FMN2: variants seen among roughly 807,000 people sequenced by gnomAD.
FMN2 encodes formin 2, also known as formin-2.
A neutral mutation model predicts 142.3 loss-of-function variants in FMN2; 51 were observed. The ratio of observed to expected loss-of-function variants is 0.36; its 90% CI spans 0.29 to 0.45. The LOEUF (loss-of-function observed/expected upper bound fraction) is 0.45, where lower values mean the gene tolerates loss of function less well. Among genes scored for constraint, FMN2 ranks in the 20% least tolerant of loss-of-function variants. The pLI, the probability that FMN2 is intolerant of heterozygous loss-of-function variation, is 1.00. For synonymous variants in FMN2, 882 were observed against 869.8 expected (o/e 1.01, Z -0.25); for missense variants, 1,936 against 2,122.8 (o/e 0.91, Z 1.73).
chr1:240,455,327 A>T (rs1676203640), intron 16 of FMN2, among the ~76,000 whole-genome samples: 1 of 152,158 alleles, frequency 6.6e-6, no homozygotes, highest in Admixed American at 6.5e-5. Context: ...AGCCTAGAAA[A>T]CATCGCAAGA....
At chr1:240,249,922 G>A (rs1011516709) in intron 6 of FMN2, among the ~76,000 whole-genome samples, 1 of 152,006 alleles carries the variant, frequency 6.6e-6, no homozygotes, top group East Asian at 1.9e-4. Flanking sequence ...AGGAACTAGT[G>A]ATTTTTGTAT....
rs573534214 is a variant in FMN2 at position 240,366,830 on chromosome 1, C to T, written c.4858+10922C>T. On this transcript the variant is annotated intron_variant, in intron 14 of 17. Transcript: ENST00000319653. ...CCTCCCAAAGAGCTGGGATTACAGG[C>T]GTGAGCCACCGCGCCCGGCCCTCTA... Among the ~76,000 whole-genome samples, 81 of 152,242 alleles carry T rather than the reference C, an allele frequency of 5.3e-4. 1 individual carries two copies. Among genetic ancestry groups the T allele is most frequent in the African/African-American group, 1.9e-3 (80 of 41,542 alleles).
chr1:240,209,375 C>T (rs1306551923), intron 5 of FMN2, among the ~76,000 whole-genome samples: 1 of 151,448 alleles, frequency 6.6e-6, no homozygotes, highest in Non-Finnish European at 1.5e-5. Flanking sequence ...CTCAGCCTCC[C>T]GAGTAGCTGG....
Position 240,213,526 on chromosome 1 carries a change from G to A in FMN2, c.4065+2291G>A, listed in dbSNP as rs144250588. Among the ~76,000 whole-genome samples the A allele has an allele frequency of 1.5e-3, 229 of 152,272 alleles. 1 individual carries two copies. Among genetic ancestry groups the A allele is most frequent in the African/African-American group, 5.1e-3 (212 of 41,550 alleles). ...AAAAATCTGTCCATTCCATTTACTT[G>A]AGACATTTAAAATTTTGTTTAAGGA... On this transcript the variant is annotated intron_variant, in intron 6 of 17. Transcript: ENST00000319653.
At chr1:240,420,087 C>T (rs1674713105) in intron 15 of FMN2, among the ~76,000 whole-genome samples, 1 of 152,110 alleles carries the variant, frequency 6.6e-6, no homozygotes, top group African/African-American at 2.4e-5. Context: ...ATCCTATCAT[C>T]CCAGTGGATT....
At chr1:240,305,207 C>T (rs1670343105) in intron 8 of FMN2, among the ~76,000 whole-genome samples, 1 of 152,134 alleles carries the variant, frequency 6.6e-6, no homozygotes, top group Non-Finnish European at 1.5e-5. Flanking sequence ...GTCAGATTTT[C>T]CTCTATTTTG....
chr1:240,286,064 G>A (rs1412004117), intron 7 of FMN2, among the ~76,000 whole-genome samples: 2 of 152,010 alleles, frequency 1.3e-5, no homozygotes, highest in African/African-American at 2.4e-5. Flanking sequence ...TTTTCGGTGT[G>A]GGTTTTTTGT....
At chr1:240,240,491 T>C (rs906410544) in intron 6 of FMN2, among the ~76,000 whole-genome samples, 1 of 152,240 alleles carries the variant, frequency 6.6e-6, no homozygotes, top group African/African-American at 2.4e-5. Flanking sequence ...ATTATCTGCA[T>C]CACGTCTTTT....
rs751067966 is a variant in FMN2 at position 240,178,067 on chromosome 1, A to G, written c.1929A>G (p.Thr643=). The change falls in exon 3 of 18, where the codon ACA becomes ACG. Residue 643 remains threonine (T), a splice_region_variant and synonymous_variant. Coordinates refer to ENST00000319653, the MANE Select transcript of FMN2 (RefSeq NM_020066.5). ...DEEHRLEDAE[T]ESQSAVSETP... ...AACACAGGCTCGAGGATGCTGAAAC[A>G]GGTAACCCTTTCCTTTGTCTTCAGA... 7 of 1,588,158 alleles carry G rather than the reference A, an allele frequency of 4.4e-6. No individual in the cohort carries two copies. The highest frequency in any genetic ancestry group is 4.3e-6 in the Non-Finnish European group (5 of 1,171,600).
At chr1:240,326,283 CA>C (rs748501255) in intron 8 of FMN2, among the ~76,000 whole-genome samples, 35 of 152,130 alleles carry the variant, frequency 2.3e-4, no homozygotes, top group Non-Finnish European at 7.4e-5. Flanking sequence ...CTTGACTTGC[CA>C]AAAAGTTTAC....
intron 15 of FMN2, among the ~76,000 whole-genome samples, chr1:240,398,193 G>A (rs1304629328): frequency 2.0e-5 from 3 of 151,910 alleles, no homozygotes; most frequent in Non-Finnish European, 4.4e-5. Flanking sequence ...TAGTATAGAT[G>A]GGGTTTTGCC....
At chr1:240,220,235 A>G (rs1667053648) in intron 6 of FMN2, among the ~76,000 whole-genome samples, 1 of 152,006 alleles carries the variant, frequency 6.6e-6, no homozygotes, top group Non-Finnish European at 1.5e-5. Flanking sequence ...AATCTCCTAA[A>G]ACTCATAACA....
chr1:240,363,725 C>T (rs34617840), intron 14 of FMN2, among the ~76,000 whole-genome samples: 2 of 152,106 alleles, frequency 1.3e-5, no homozygotes, highest in African/African-American at 4.8e-5. Flanking sequence ...ACGTCCCCAA[C>T]TCTGTTTCTC....
At chr1:240,275,882 A>G (rs1006690799) in intron 7 of FMN2, among the ~76,000 whole-genome samples, 1 of 152,150 alleles carries the variant, frequency 6.6e-6, no homozygotes, top group Non-Finnish European at 1.5e-5. Context: ...GGCTGCATAC[A>G]TGTCTTCTTT....
chr1:240,108,862 C>A (rs900117924), intron 1 of FMN2, among the ~76,000 whole-genome samples: 7 of 152,026 alleles, frequency 4.6e-5, no homozygotes, highest in Non-Finnish European at 1.0e-4. Flanking sequence ...ATGGTGAAAC[C>A]CTGTCTCTAC....
chr1:240,116,078 A>G (rs1376157522), intron 1 of FMN2, among the ~76,000 whole-genome samples: 1 of 152,188 alleles, frequency 6.6e-6, no homozygotes, highest in Admixed American at 6.5e-5. Context: ...TTTGGCATAT[A>G]ATGAGCAGTG....
At chr1:240,290,284 T>G (rs1669735037) in intron 7 of FMN2, among the ~76,000 whole-genome samples, 1 of 152,222 alleles carries the variant, frequency 6.6e-6, no homozygotes, top group Admixed American at 6.5e-5. Flanking sequence ...TCATTTTTCA[T>G]TTTTTAACAG....
At chr1:240,102,998 G>A (rs1002978748) in intron 1 of FMN2, among the ~76,000 whole-genome samples, 8 of 151,804 alleles carry the variant, frequency 5.3e-5, no homozygotes, top group Non-Finnish European at 7.4e-5. Context: ...CCGAGTAGCT[G>A]GGACTATAGG....
chr1:240,461,855 T>G lies in FMN2; in HGVS notation c.5061-10517T>G, dbSNP rs368950746. Among the ~76,000 whole-genome samples, 2 of 152,320 alleles carry G rather than the reference T, an allele frequency of 1.3e-5. 1 individual carries two copies. The highest frequency in any genetic ancestry group is 6.8e-3 in the Middle Eastern group (2 of 294). ...GTCAAATGAGATGGTGCACATGATATGCCCACTGTCTCTGCACACCACTGC... is the reference window on the plus strand; with the variant it reads ...GTCAAATGAGATGGTGCACATGATAGGCCCACTGTCTCTGCACACCACTGC... On this transcript the variant is annotated intron_variant, in intron 16 of 17. Coordinates refer to ENST00000319653, the MANE Select transcript of FMN2 (RefSeq NM_020066.5).
Sources: allele counts gnomAD v4.1 joint callset (sites outside exome capture counted in the v4.1 genomes callset), GRCh38; gene constraint gnomAD v4.1.1; transcripts MANE v1.5; gene names NCBI Gene and HGNC (gene_info 2026-07-23, HGNC 2026-07-21).